Variants in HOXC4 observed in about 807,000 individuals in gnomAD.
HOXC4 encodes homeobox protein Hox-C4.
In HOXC4, 15 loss-of-function variants were observed where a neutral mutation model predicts 25.5. The ratio of observed to expected loss-of-function variants is 0.59; its 90% CI spans 0.39 to 0.91. The LOEUF (loss-of-function observed/expected upper bound fraction) is 0.91. Ranked by LOEUF, HOXC4 falls within the 40% of genes least tolerant of loss-of-function variation. HOXC4 has a pLI of 0.00. For synonymous variants in HOXC4, 165 were observed against 148.0 expected (o/e 1.11, Z -0.83); for missense variants, 342 against 352.4 (o/e 0.97, Z 0.24).
rs147899599 is a variant in HOXC4 at position 54,042,039 on chromosome 12, C to T, written c.-123-11121C>T. Among the ~76,000 whole-genome samples the T allele has an allele frequency of 7.0e-3, 1,008 of 143,174 alleles. 15 individuals are homozygous for T. The highest frequency in any genetic ancestry group is 0.025 in the African/African-American group (956 of 38,420). 93.9% of individuals were successfully genotyped at this position (143,174 alleles called of 152,430 possible). A position where few individuals can be genotyped will look rare whatever the true frequency, so the allele number is the denominator to read the frequency against. On this transcript the variant is annotated intron_variant, in intron 1 of 3. Transcript: ENST00000303406. ...TGTTGCCCAGGCTATAGTGCAATGG[C>T]AGGATCTCAGCTCACCGCAAACTCT...
chr12:54,048,499 A>G (rs1481605927), intron 1 of HOXC4, among the ~76,000 whole-genome samples: 3 of 152,182 alleles, frequency 2.0e-5, no homozygotes, highest in East Asian at 3.9e-4. Context: ...GTTTACTAAA[A>G]TGCACGGTCT....
At chr12:54,053,069 C>T (rs773455942), upstream of HOXC4, 1 of 152,656 alleles carries the variant, frequency 6.6e-6, no homozygotes, top group Non-Finnish European at 1.5e-5. Context: ...ATCCTCTGCT[C>T]TGGGGCTGGG....
At position 54,053,928 on chromosome 12, in the gene HOXC4, C is replaced by A. The variant is rs1937905132; in HGVS notation, c.6C>A (p.Ile2=). 1 of 1,603,876 alleles carries A rather than the reference C, an allele frequency of 6.2e-7. No homozygotes were observed. The highest frequency in any genetic ancestry group is 8.5e-7 in the Non-Finnish European group (1 of 1,171,474). Residue 2 remains isoleucine (I), a synonymous_variant, in exon 1 of 2, where the codon ATC becomes ATA. Coordinates refer to ENST00000430889, the MANE Select transcript of HOXC4 (RefSeq NM_153633.3). ...ATTTTCCACTCCAGAAATTAATGAT[C>A]ATGAGCTCGTATTTGATGGACTCTA... The part of the protein sequence containing the change: M[I]MSSYLMDSNY...
chr12:54,034,193 G>T, intron 1 of HOXC4: 1 of 1,298,414 alleles, frequency 7.7e-7, no homozygotes, highest in Non-Finnish European at 1.1e-6. Context: ...TCCGGCCGCG[G>T]GTGGGGGCCT....
At chr12:54,026,795 A>C (rs1940721042) in intron 1 of HOXC4, among the ~76,000 whole-genome samples, 1 of 152,192 alleles carries the variant, frequency 6.6e-6, no homozygotes, top group Admixed American at 6.5e-5. Flanking sequence ...CCTTAACGTT[A>C]CAGAAGATGA....
chr12:54,021,022 C>T (rs993362765), intron 1 of HOXC4: 1 of 152,260 alleles, frequency 6.6e-6, no homozygotes, highest in African/African-American at 2.4e-5. Context: ...TAGTCAGGGC[C>T]CTGGCGCTGG....
chr12:54,055,497 T>C lies in HOXC4; in HGVS notation c.*292T>C, dbSNP rs1029208017. 1 of 154,412 alleles carries C rather than the reference T, an allele frequency of 6.5e-6. No individual in the cohort carries two copies. Among genetic ancestry groups the C allele is most frequent in the Non-Finnish European group, 1.4e-5 (1 of 69,610 alleles). The allele number at this position is 154,412 out of a possible 1,614,324, so 9.6% of individuals were successfully genotyped here. A position where few individuals can be genotyped will look rare whatever the true frequency, so the allele number is the denominator to read the frequency against. On this transcript the variant is annotated 3_prime_UTR_variant, in exon 2 of 2. Transcript: ENST00000430889. ...TAAAAGGCCATTTTGGGGGGTTATT[T>C]ATTTTTTAAGAAAAAAAGCTGCAAA... is the stretch of plus-strand genomic sequence containing the variant.
rs772486693 is a variant in HOXC4 at position 54,033,260 on chromosome 12, C to G, written c.-124+15846C>G. The G allele has an allele frequency of 4.3e-6, 7 of 1,614,200 alleles. No homozygotes were observed. In the South Asian group the frequency reaches 7.7e-5, roughly 18 times the overall value. ...ACTGCTACGGCGGATTGGACTTAAG[C>G]ATCACTTTCCCACCGCCTGCGCCTT... On this transcript the variant is annotated intron_variant, in intron 1 of 3. Coordinates refer to the HOXC4 transcript ENST00000303406.
chr12:54,040,880 G>A (rs1244920632), intron 1 of HOXC4, among the ~76,000 whole-genome samples: 2 of 152,176 alleles, frequency 1.3e-5, no homozygotes, highest in Non-Finnish European at 1.5e-5. Context: ...GAGCAAAAGT[G>A]GAGATTTTTT....
At chr12:54,047,112 G>C (rs1937730248) in intron 1 of HOXC4, among the ~76,000 whole-genome samples, 1 of 152,236 alleles carries the variant, frequency 6.6e-6, no homozygotes, top group Non-Finnish European at 1.5e-5. Flanking sequence ...TGAGGCGAAG[G>C]GGCTCTAGCT....
At chr12:54,040,363 C>T (rs796516911) in intron 1 of HOXC4, among the ~76,000 whole-genome samples, 28 of 152,336 alleles carry the variant, frequency 1.8e-4, no homozygotes, top group Middle Eastern at 3.4e-3. Context: ...TCTTCCCATC[C>T]GGCCCTGTTC....
intron 1 of HOXC4, among the ~76,000 whole-genome samples, chr12:54,037,317 G>A (rs941489757): frequency 1.3e-5 from 2 of 152,204 alleles, no homozygotes; most frequent in Admixed American, 6.5e-5. Flanking sequence ...ATATTTCCAG[G>A]TAACAGGGTC....
At position 54,019,295 on chromosome 12, in the gene HOXC4, G is replaced by T. The variant is rs573764348; in HGVS notation, c.-124+1881G>T. 2.0e-5 allele frequency among the ~76,000 whole-genome samples: 3 copies of T among 149,940 alleles called. No homozygotes were observed. In the South Asian group the frequency reaches 6.3e-4, roughly 31 times the overall value. ...GGCTCTCCCCAAATGGGCCCAGCCC[G>T]CCGCCTGCTCAGGCTGCCGCGCGCT... On this transcript the variant is annotated intron_variant, in intron 1 of 3. Coordinates refer to the HOXC4 transcript ENST00000303406.
upstream of HOXC4, among the ~76,000 whole-genome samples, chr12:54,052,662 G>T (rs1215646377): frequency 6.6e-6 from 1 of 151,900 alleles, no homozygotes; most frequent in Admixed American, 6.6e-5. Flanking sequence ...GTATTACTGT[G>T]AGTGGGTGGC....
At chr12:54,033,057 C>T (rs1941046326) in intron 1 of HOXC4, 6 of 1,373,872 alleles carry the variant, frequency 4.4e-6, no homozygotes, top group South Asian at 1.3e-5. Flanking sequence ...AACCCCTCAA[C>T]TTCAAAGAGT....
Position 54,053,850 on chromosome 12 carries a change from C to A in HOXC4, c.-73C>A. On this transcript the variant is annotated 5_prime_UTR_variant, in exon 1 of 2. Transcript: ENST00000430889. ...TGGTGAAAGTAACTTTACAGGGTCG[C>A]TAGCTAGTAGGAGGGCTTTATGGAG... is the stretch of plus-strand genomic sequence containing the variant. The A allele has an allele frequency of 8.2e-7, 1 of 1,216,010 alleles. No homozygotes were observed. The highest frequency in any genetic ancestry group is 1.9e-5 in the Admixed American group (1 of 53,452). The allele number at this position is 1,216,010 out of a possible 1,614,324, so 75.3% of individuals were successfully genotyped here.
At chr12:54,052,470 G>T (rs140231226), upstream of HOXC4, among the ~76,000 whole-genome samples, 77 of 152,190 alleles carry the variant, frequency 5.1e-4, no homozygotes, top group Non-Finnish European at 9.6e-4. Context: ...AAGGGGACCC[G>T]GCTCCCTCCC....
chr12:54,035,305 T>G (rs1565747216), intron 1 of HOXC4: 1 of 152,726 alleles, frequency 6.5e-6, no homozygotes, highest in Non-Finnish European at 1.5e-5. Flanking sequence ...TTATTGACTC[T>G]GGGTCCTTCC....
chr12:54,039,633 C>T (rs1261323313), intron 1 of HOXC4, among the ~76,000 whole-genome samples: 1 of 152,020 alleles, frequency 6.6e-6, no homozygotes. Context: ...CTTCTTGGCT[C>T]TCTCCTTCCC....
Sources: gnomAD v4.1 joint callset for allele counts (sites outside exome capture counted in the v4.1 genomes callset) on GRCh38, gnomAD v4.1.1 for gene constraint, MANE v1.5 for transcripts, NCBI Gene and HGNC (gene_info 2026-07-23, HGNC 2026-07-21) for gene names.